Variants in CCDC30 observed in about 807,000 individuals in gnomAD.
CCDC30 encodes the protein coiled-coil domain containing 30, also known as coiled-coil domain-containing protein 30.
A neutral mutation model predicts 100.2 loss-of-function variants in CCDC30; 70 were observed. That is an observed-to-expected ratio of 0.70 (90% confidence interval 0.58 to 0.85). The LOEUF is 0.85. CCDC30 is among the 40% of genes least tolerant of loss of function. The pLI, the probability that CCDC30 is intolerant of heterozygous loss-of-function variation, is 0.00. For synonymous variants in CCDC30, 233 were observed against 269.5 expected (o/e 0.86, Z 1.33); for missense variants, 652 against 771.2 (o/e 0.85, Z 1.83).
At chr1:42,556,845 G>C (rs1645380691) in intron 6 of CCDC30, among the ~76,000 whole-genome samples, 1 of 152,206 alleles carries the variant, frequency 6.6e-6, no homozygotes, top group Admixed American at 6.5e-5. Flanking sequence ...AGCCAGACAG[G>C]ATTTGGGGAT....
At chr1:42,489,835 G>T (rs998391071) in intron 3 of CCDC30, 1 of 166,362 alleles carries the variant, frequency 6.0e-6, no homozygotes, top group African/African-American at 2.4e-5. Flanking sequence ...TACTAAACTG[G>T]TAGTACCATA....
intron 1 of CCDC30, 100 bp from the exon 2 acceptor site, chr1:42,480,361 A>G (rs1339089720): frequency 6.6e-6 from 1 of 152,008 alleles, no homozygotes; most frequent in Non-Finnish European, 1.5e-5. Context: ...AATTATTTTT[A>G]TATATTGACC....
chr1:42,466,713 G>A (rs1423682055), intron 1 of CCDC30, among the ~76,000 whole-genome samples: 10 of 151,866 alleles, frequency 6.6e-5, no homozygotes, highest in Middle Eastern at 3.4e-3. Context: ...CACCATGCCC[G>A]GCTAATTTTT....
At chr1:42,609,095 C>G (rs79793043) in intron 10 of CCDC30, among the ~76,000 whole-genome samples, 6,451 of 152,086 alleles carry the variant, frequency 0.042, 440 homozygotes, top group African/African-American at 0.14. Flanking sequence ...TACTGAGTGT[C>G]CCTGCCTTTC....
intron 9 of CCDC30, among the ~76,000 whole-genome samples, chr1:42,589,064 C>T (rs564140814): frequency 3.1e-4 from 47 of 152,292 alleles, no homozygotes; most frequent in Admixed American, 1.2e-3. Flanking sequence ...ACTGTTCTCT[C>T]TACCACAACT....
intron 10 of CCDC30, among the ~76,000 whole-genome samples, chr1:42,598,953 A>T (rs1194689400): frequency 6.6e-6 from 1 of 152,180 alleles, no homozygotes; most frequent in Non-Finnish European, 1.5e-5. Flanking sequence ...AGACAAAAAA[A>T]ATTAAGGGAA....
chr1:42,471,318 T>C (rs558995712), intron 1 of CCDC30, among the ~76,000 whole-genome samples: 15 of 152,310 alleles, frequency 9.8e-5, no homozygotes, highest in Admixed American at 9.8e-4. Context: ...AGCATGGGGA[T>C]TATGCTGTTG....
At chr1:42,457,674 C>G in the CCDC30 span, 3 of 282,408 alleles carry the variant, frequency 1.1e-5, no homozygotes, top group African/African-American at 6.6e-5. Context: ...TGAGCAGAAC[C>G]GAGCGCGGTG....
intron 6 of CCDC30, among the ~76,000 whole-genome samples, chr1:42,506,295 G>A (rs12041177): frequency 0.39 from 58,520 of 151,990 alleles, 11,721 homozygotes; most frequent in East Asian, 0.59. Context: ...TGAATCCTGT[G>A]TGTTTTTTCT....
chr1:42,536,745 A>G (rs1476705306), intron 6 of CCDC30, 144 bp downstream of exon 7: 1 of 615,038 alleles, frequency 1.6e-6, no homozygotes, highest in Non-Finnish European at 2.8e-6. Flanking sequence ...CTCAAAGAAC[A>G]GAATTTTATT....
At chr1:42,514,672 G>A (rs757834925) in intron 6 of CCDC30, among the ~76,000 whole-genome samples, 9 of 151,966 alleles carry the variant, frequency 5.9e-5, no homozygotes, top group Non-Finnish European at 1.2e-4. Flanking sequence ...TTTTGTTTTT[G>A]AGATGGAGTC....
chr1:42,639,210 T>C (rs1475302401), intron 12 of CCDC30, among the ~76,000 whole-genome samples: 1 of 151,772 alleles, frequency 6.6e-6, no homozygotes, highest in Non-Finnish European at 1.5e-5. Flanking sequence ...TCTAAGATGA[T>C]TGCTGTCCTT....
chr1:42,561,187 C>T (rs1332644759), intron 6 of CCDC30, among the ~76,000 whole-genome samples: 1 of 152,198 alleles, frequency 6.6e-6, no homozygotes, highest in Non-Finnish European at 1.5e-5. Context: ...CCCTGATGAA[C>T]ATCGATGCAA....
chr1:42,581,698 T>C lies in CCDC30; in HGVS notation c.1001+184T>C, dbSNP rs543965086. ...CACTGTATTCTAATTGTTTATTTTC[T>C]AGTTTACCTCTGGCGCTAGAGTGTG... On this transcript the variant is annotated intron_variant, in intron 9 of 16. Coordinates refer to ENST00000668663, the Ensembl canonical transcript of CCDC30. 3.3e-5 allele frequency among the ~76,000 whole-genome samples: 5 copies of C among 152,336 alleles called. No homozygotes were observed. The South Asian group carries it at 6.2e-4, about 19-fold the overall frequency.
chr1:42,552,754 C>T (rs948781357), intron 6 of CCDC30, among the ~76,000 whole-genome samples: 1 of 152,066 alleles, frequency 6.6e-6, no homozygotes, highest in African/African-American at 2.4e-5. Context: ...TCCCCGGGGC[C>T]GCCACTGATA....
chr1:42,545,523 T>A (rs375199706), intron 6 of CCDC30: 4 of 1,606,062 alleles, frequency 2.5e-6, no homozygotes, highest in Non-Finnish European at 2.5e-6. Context: ...CTGAATCTAA[T>A]GAACCAATTT....
At chr1:42,520,174 G>A (rs1393599613) in intron 6 of CCDC30, among the ~76,000 whole-genome samples, 1 of 150,988 alleles carries the variant, frequency 6.6e-6, no homozygotes, top group Non-Finnish European at 1.5e-5. Flanking sequence ...TCCTTTTCTA[G>A]TTCTTTAAGT....
At chr1:42,542,292 T>G (rs796578088) in intron 6 of CCDC30, among the ~76,000 whole-genome samples, 2 of 152,216 alleles carry the variant, frequency 1.3e-5, no homozygotes, top group South Asian at 4.1e-4. Flanking sequence ...AAATGCTTTG[T>G]GTTAGTGTCA....
intron 6 of CCDC30, among the ~76,000 whole-genome samples, chr1:42,543,795 G>A (rs1462972729): frequency 6.6e-6 from 1 of 152,168 alleles, no homozygotes; most frequent in Non-Finnish European, 1.5e-5. Context: ...AGATTTTATG[G>A]ATTTTATGAG....
Sources: gnomAD v4.1 joint callset for allele counts (sites outside exome capture counted in the v4.1 genomes callset) on GRCh38, gnomAD v4.1.1 for gene constraint, MANE v1.5 for transcripts, NCBI Gene and HGNC (gene_info 2026-07-23, HGNC 2026-07-21) for gene names.